DIP2C: variants seen among roughly 807,000 people sequenced by gnomAD.
The protein encoded by DIP2C is DIP2 acetate--CoA ligase C (putative).
In DIP2C, 33 loss-of-function variants were observed where a neutral mutation model predicts 192.4. The observed-to-expected ratio is 0.17, with a 90% CI of 0.13 to 0.23. The LOEUF (loss-of-function observed/expected upper bound fraction) is 0.23, where lower values mean the gene tolerates loss of function less well. DIP2C is among the 10% of genes least tolerant of loss of function. The pLI is 1.00. For synonymous variants in DIP2C, 979 were observed against 864.1 expected (o/e 1.13, Z -2.33); for missense variants, 1,537 against 2,110.1 (o/e 0.73, Z 5.32).
At chr10:334,776 C>A (rs1957676886) in intron 29 of DIP2C, among the ~76,000 whole-genome samples, 1 of 152,154 alleles carries the variant, frequency 6.6e-6, no homozygotes, top group Admixed American at 6.5e-5. Context: ...AATTCTGTTT[C>A]TCATATATAT....
Position 364,381 on chromosome 10 carries a change from G to A in DIP2C, c.2470C>T (p.Arg824Trp). 2 of 1,610,764 alleles carry A rather than the reference G, an allele frequency of 1.2e-6. No individual in the cohort carries two copies. Among genetic ancestry groups the A allele is most frequent in the Non-Finnish European group, 1.7e-6 (2 of 1,177,286 alleles). The change falls in exon 20 of 37, where the codon CGG becomes TGG. Residue 824 changes from arginine to tryptophan, a missense_variant. Arg to Trp is a moderately radical substitution (Grantham distance 101). This residue lies in a region of DIP2C where 677 missense variants were observed against 989.9 expected (regional missense o/e 0.68). Transcript: ENST00000280886. ...TTGCAGAACGCCACTGACCTTCCCC[G>A]GTAGACAAACTTCATGGGTTCTACG... ...LAVEPMKFVY[R>W]GRIAVFSVTV... is the part of the protein sequence containing the mutation.
intron 4 of DIP2C, among the ~76,000 whole-genome samples, chr10:438,985 C>G (rs1967497315): frequency 1.3e-5 from 2 of 152,054 alleles, no homozygotes; most frequent in African/African-American, 4.8e-5. Context: ...CCAGGCCCAG[C>G]TAATTTTTTG....
At chr10:594,956 AGAG>A (rs1851619028) in intron 1 of DIP2C, among the ~76,000 whole-genome samples, 1 of 152,164 alleles carries the variant, frequency 6.6e-6, no homozygotes, top group African/African-American at 2.4e-5. Context: ...CAGAGAAGGG[AGAG>A]GAGACAGAAC....
chr10:304,023 C>T (rs1451749502), intron 32 of DIP2C, among the ~76,000 whole-genome samples: 7 of 152,058 alleles, frequency 4.6e-5, no homozygotes. Context: ...CTGGATTCCT[C>T]CTGAAGGACC....
chr10:337,032 T>TGTG (rs1564574617), intron 29 of DIP2C, among the ~76,000 whole-genome samples: 1 of 47,150 alleles, frequency 2.1e-5, no homozygotes, highest in African/African-American at 1.0e-4. Flanking sequence ...TGTGTGTGTG[T>TGTG]TGTGGAGGCC....
intron 1 of DIP2C, among the ~76,000 whole-genome samples, chr10:640,682 C>T (rs1391874979): frequency 6.7e-6 from 1 of 148,908 alleles, no homozygotes; most frequent in African/African-American, 2.5e-5. Flanking sequence ...GATGAGGGTG[C>T]GCGCGGGGAA....
chr10:372,883 C>T (rs1463518195), intron 17 of DIP2C, among the ~76,000 whole-genome samples: 1 of 152,216 alleles, frequency 6.6e-6, no homozygotes, highest in African/African-American at 2.4e-5. Flanking sequence ...TGTTTGGGGC[C>T]ACCCCTTAAC....
At chr10:400,282 G>A (rs531257603) in intron 9 of DIP2C, among the ~76,000 whole-genome samples, 2 of 150,614 alleles carry the variant, frequency 1.3e-5, no homozygotes, top group South Asian at 2.1e-4. Context: ...CTTGGTCCCC[G>A]CAAAGTGTTG....
At chr10:579,712 A>G (rs1850463601) in intron 1 of DIP2C, among the ~76,000 whole-genome samples, 2 of 152,140 alleles carry the variant, frequency 1.3e-5, no homozygotes, top group South Asian at 4.1e-4. Flanking sequence ...CATAGTGTAC[A>G]CACATCCATA....
chr10:560,494 G>A (rs1473427568), intron 1 of DIP2C, among the ~76,000 whole-genome samples: 1 of 152,212 alleles, frequency 6.6e-6, no homozygotes, highest in Non-Finnish European at 1.5e-5. Context: ...GAAACTCGCG[G>A]CAGTGAACAC....
intron 3 of DIP2C, among the ~76,000 whole-genome samples, chr10:460,793 G>A (rs1969709803): frequency 6.6e-6 from 1 of 152,046 alleles, no homozygotes; most frequent in African/African-American, 2.4e-5. Flanking sequence ...AAATGTTAAG[G>A]GCAGCCAGAG....
intron 36 of DIP2C, among the ~76,000 whole-genome samples, chr10:277,905 C>T (rs1954598907): frequency 6.6e-6 from 1 of 152,250 alleles, no homozygotes. Context: ...TTTGCTGCTG[C>T]CTGGAGGACC....
At chr10:440,275 G>A (rs1967622884) in intron 4 of DIP2C, among the ~76,000 whole-genome samples, 1 of 152,228 alleles carries the variant, frequency 6.6e-6, no homozygotes, top group South Asian at 2.1e-4. Context: ...CTGGTCCGCT[G>A]TTCTTATAAA....
chr10:525,650 G>A (rs951730943), intron 1 of DIP2C, among the ~76,000 whole-genome samples: 2 of 152,172 alleles, frequency 1.3e-5, no homozygotes, highest in Non-Finnish European at 2.9e-5. Flanking sequence ...CTGAGGACAG[G>A]GAGAGAACAG....
chr10:447,376 G>A (rs549256945), intron 3 of DIP2C, among the ~76,000 whole-genome samples: 6 of 120,682 alleles, frequency 5.0e-5, no homozygotes, highest in Admixed American at 1.7e-4. Flanking sequence ...CACCCCTGTC[G>A]ATACTCAGGA....
chr10:672,047 CCA>C (rs1352512482), intron 1 of DIP2C, among the ~76,000 whole-genome samples: 2 of 138,976 alleles, frequency 1.4e-5, no homozygotes, highest in African/African-American at 5.5e-5. Context: ...AGGAAACAGG[CCA>C]CAGACACACA....
chr10:679,619 T>A (rs574468573), intron 1 of DIP2C, among the ~76,000 whole-genome samples: 2 of 128,076 alleles, frequency 1.6e-5, no homozygotes, highest in African/African-American at 6.0e-5. Flanking sequence ...CCATCTGTGC[T>A]CCCTATGCCC....
chr10:475,338 T>G (rs971683910), intron 2 of DIP2C, among the ~76,000 whole-genome samples: 52 of 152,358 alleles, frequency 3.4e-4, no homozygotes, highest in South Asian at 2.1e-4. Flanking sequence ...ATATAGTCAC[T>G]GACAGCACAG....
In DIP2C at chr10:367,279, C is replaced by T. The variant is rs538592646; in HGVS notation, c.2132-868G>A. On this transcript the variant is annotated intron_variant, in intron 18 of 36. Transcript: ENST00000280886. ...AAAAATACAAAAAAGTAGCCGGGCG[C>T]AGTGGCGGGCGCCTGTAGTCCCAGC... 1.2e-3 allele frequency among the ~76,000 whole-genome samples: 188 copies of T among 152,144 alleles called. 1 individual carries two copies. The highest frequency in any genetic ancestry group is 3.4e-3 in the Middle Eastern group (1 of 294).
Sources: gnomAD v4.1 joint callset for allele counts (sites outside exome capture counted in the v4.1 genomes callset) on GRCh38, gnomAD v4.1.1 for gene constraint, gnomAD v4.1.1 regional missense constraint, MANE v1.5 for transcripts, NCBI Gene and HGNC (gene_info 2026-07-23, HGNC 2026-07-21) for gene names.